Variants in NPSR1 observed in about 807,000 individuals in gnomAD.
NPSR1 encodes the protein neuropeptide S receptor.
A neutral mutation model predicts 46.9 loss-of-function variants in NPSR1; 48 were observed. The observed-to-expected ratio is 1.02, with a 90% CI of 0.81 to 1.30. The LOEUF (loss-of-function observed/expected upper bound fraction) is 1.30, where lower values mean the gene tolerates loss of function less well. Among genes scored for constraint, NPSR1 ranks in the 50% most tolerant of loss-of-function variants. The pLI is 0.00. For missense variants in NPSR1, 450 were observed against 449.5 expected, an observed-to-expected ratio of 1.00 and a Z score of -0.01; for synonymous variants, 176 against 168.1, an observed-to-expected ratio of 1.05 and a Z score of -0.36.
chr7:34,868,509 A>G (rs1284142281), intron 8 of NPSR1, among the ~76,000 whole-genome samples: 2 of 151,864 alleles, frequency 1.3e-5, no homozygotes, highest in South Asian at 2.1e-4. Context: ...TGCACTCAAC[A>G]TCTAGCATGA....
chr7:34,729,218 G>A (rs767013826), intron 2 of NPSR1, among the ~76,000 whole-genome samples: 3 of 152,102 alleles, frequency 2.0e-5, no homozygotes, highest in Non-Finnish European at 4.4e-5. Context: ...CCTTGTACTT[G>A]AGATGGAGTG....
At chr7:34,755,066 T>C (rs1185003812) in intron 2 of NPSR1, among the ~76,000 whole-genome samples, 1 of 152,234 alleles carries the variant, frequency 6.6e-6, no homozygotes, top group Non-Finnish European at 1.5e-5. Context: ...TTTTGGCTCT[T>C]AGGAATAAAA....
At chr7:34,872,650 G>T (rs746029527) in intron 8 of NPSR1, among the ~76,000 whole-genome samples, 1 of 151,762 alleles carries the variant, frequency 6.6e-6, no homozygotes, top group Admixed American at 6.5e-5. Context: ...ATGGTGGAAG[G>T]CAAGGAGAAG....
At chr7:34,743,968 A>G (rs963331571) in intron 2 of NPSR1, among the ~76,000 whole-genome samples, 2 of 152,126 alleles carry the variant, frequency 1.3e-5, no homozygotes, top group African/African-American at 4.8e-5. Flanking sequence ...CGATTTGAGA[A>G]GTATTAGTTT....
chr7:34,870,807 T>C (rs1791433103), intron 8 of NPSR1, among the ~76,000 whole-genome samples: 1 of 151,596 alleles, frequency 6.6e-6, no homozygotes, highest in South Asian at 2.1e-4. Context: ...ATTCGTCTCA[T>C]CTAGACATGA....
In NPSR1 at chr7:34,778,496, T is replaced by C; in HGVS notation, c.315T>C (p.Asp105=). The C allele has an allele frequency of 6.2e-7, 1 of 1,612,232 alleles. No individual in the cohort carries two copies. The highest frequency in any genetic ancestry group is 8.5e-7 in the Non-Finnish European group (1 of 1,178,636). ...SFTGLVNILT[D]INWRFTGDFT... ...CAGGACTGGTCAACATCTTGACAGA[T>C]ATTAATTGGCGATTCACTGGAGACT... Residue 105 remains aspartate, a synonymous_variant, in exon 3 of 9, where the codon GAT becomes GAC. Coordinates refer to ENST00000360581, the MANE Select transcript of NPSR1 (RefSeq NM_207172.2).
At position 34,659,876 on chromosome 7, in the gene NPSR1, T is replaced by C. The variant is rs1296169714; in HGVS notation, c.147+1317T>C. 2.0e-5 allele frequency among the ~76,000 whole-genome samples: 3 copies of C among 152,182 alleles called. No homozygotes were observed. The East Asian group carries it at 5.8e-4, about 29-fold the overall frequency. ...CCAGGAAGCACAGGACTCCACTCAG[T>C]ATTGCTGCCTGTGTAGCCTCTTTGA... On this transcript the variant is annotated intron_variant, in intron 1 of 8. Transcript: ENST00000360581.
At chr7:34,793,872 C>A (rs1355867627) in intron 3 of NPSR1, among the ~76,000 whole-genome samples, 4 of 152,012 alleles carry the variant, frequency 2.6e-5, no homozygotes, top group South Asian at 2.1e-4. Context: ...ACATAATATG[C>A]AATACTATTC....
At chr7:34,706,165 T>C (rs1457030753) in intron 2 of NPSR1, among the ~76,000 whole-genome samples, 1 of 152,046 alleles carries the variant, frequency 6.6e-6, no homozygotes, top group African/African-American at 2.4e-5. Flanking sequence ...ATTTTGTCTT[T>C]TGTTTCTGAT....
intron 2 of NPSR1, among the ~76,000 whole-genome samples, chr7:34,767,532 A>T (rs1786491853): frequency 6.6e-6 from 1 of 152,214 alleles, no homozygotes; most frequent in Non-Finnish European, 1.5e-5. Flanking sequence ...GAATTAGGTA[A>T]TCTGAAGATA....
chr7:34,745,809 C>T (rs376424161), intron 2 of NPSR1, among the ~76,000 whole-genome samples: 2 of 152,304 alleles, frequency 1.3e-5, no homozygotes, highest in East Asian at 1.9e-4. Flanking sequence ...CCACCATCTC[C>T]GGCCTATTTT....
chr7:34,758,839 C>T (rs80024930), intron 2 of NPSR1, among the ~76,000 whole-genome samples: 1 of 152,172 alleles, frequency 6.6e-6, no homozygotes, highest in Non-Finnish European at 1.5e-5. Flanking sequence ...GCACAAAAAA[C>T]CCCGAATCAT....
At chr7:34,715,862 T>C (rs910985820) in intron 2 of NPSR1, among the ~76,000 whole-genome samples, 1 of 152,166 alleles carries the variant, frequency 6.6e-6, no homozygotes, top group African/African-American at 2.4e-5. Flanking sequence ...GGGTGGTGAA[T>C]AGCACCTGGG....
chr7:34,824,732 A>C (rs932410791), intron 4 of NPSR1, among the ~76,000 whole-genome samples: 1 of 152,128 alleles, frequency 6.6e-6, no homozygotes, highest in African/African-American at 2.4e-5. Flanking sequence ...CCCAGGAGTC[A>C]CACGTTGCCC....
At chr7:34,668,905 G>A (rs1188589925) in intron 1 of NPSR1, among the ~76,000 whole-genome samples, 1 of 152,164 alleles carries the variant, frequency 6.6e-6, no homozygotes, top group Non-Finnish European at 1.5e-5. Context: ...TAATCCTCCT[G>A]CTCGGAAAGG....
chr7:34,750,846 G>T (rs574325680), intron 2 of NPSR1: 25 of 695,522 alleles, frequency 3.6e-5, no homozygotes, highest in Admixed American at 3.4e-4. Flanking sequence ...ACCAGGCTTT[G>T]TCTGCTTGTC....
At chr7:34,751,946 G>A (rs34672863) in intron 2 of NPSR1, 1 of 1,202,142 alleles carries the variant, frequency 8.3e-7, no homozygotes, top group Non-Finnish European at 1.2e-6. Flanking sequence ...GCAACTGGAA[G>A]TGGGGGTGAC....
In NPSR1 at chr7:34,790,917, CAT is replaced by C. The variant is rs1392610582; in HGVS notation, c.384+12357_384+12358del. 5.0e-4 allele frequency among the ~76,000 whole-genome samples: 62 copies of C among 125,156 alleles called. 1 individual carries two copies. The highest frequency in any genetic ancestry group is 1.6e-3 in the African/African-American group (52 of 32,444). 82.1% of individuals were successfully genotyped at this position (125,156 alleles called of 152,430 possible). A position where few individuals can be genotyped will look rare whatever the true frequency, so the allele number is the denominator to read the frequency against. On this transcript the variant is annotated intron_variant, in intron 3 of 8. Transcript: ENST00000360581. ...ATATGTTATATGTTATATTATATAT[CAT>C]ATATGTTATATGTTATATTATATAT...
chr7:34,803,140 C>A (rs977209043), intron 3 of NPSR1, among the ~76,000 whole-genome samples: 36 of 149,468 alleles, frequency 2.4e-4, no homozygotes, highest in East Asian at 3.9e-4. Context: ...TAGTTCAACC[C>A]TTGTGGAAGT....
Sources: allele counts gnomAD v4.1 joint callset (sites outside exome capture counted in the v4.1 genomes callset), GRCh38; gene constraint gnomAD v4.1.1; transcripts MANE v1.5; gene names NCBI Gene and HGNC (gene_info 2026-07-23, HGNC 2026-07-21).